COL13A1: variants seen among roughly 807,000 people sequenced by gnomAD.
COL13A1 encodes the protein collagen alpha-1(XIII) chain.
In COL13A1, 89 loss-of-function variants were observed where a neutral mutation model predicts 130.9. That is an observed-to-expected ratio of 0.68 (90% CI 0.57 to 0.81). The LOEUF (loss-of-function observed/expected upper bound fraction) is 0.81, where lower values mean the gene tolerates loss of function less well. Among genes scored for constraint, COL13A1 ranks in the 30% least tolerant of loss-of-function variants. The pLI is 0.00. For missense variants in COL13A1, 879 were observed against 934.6 expected (o/e 0.94, Z 0.78); for synonymous variants, 402 against 341.6 (o/e 1.18, Z -1.95).
At chr10:69,817,827 G>C (rs763580603) in intron 1 of COL13A1, among the ~76,000 whole-genome samples, 1 of 152,174 alleles carries the variant, frequency 6.6e-6, no homozygotes, top group Non-Finnish European at 1.5e-5. Flanking sequence ...GGGTCCCTGG[G>C]GCCGGGGTGT....
intron 14 of COL13A1, among the ~76,000 whole-genome samples, chr10:69,900,346 A>C (rs1216147533): frequency 6.6e-6 from 1 of 152,212 alleles, no homozygotes; most frequent in Non-Finnish European, 1.5e-5. Context: ...CAGCCATCTC[A>C]CTATCCCCCG....
chr10:69,888,726 C>T (rs989084773), intron 9 of COL13A1, among the ~76,000 whole-genome samples: 1 of 152,144 alleles, frequency 6.6e-6, no homozygotes, highest in Non-Finnish European at 1.5e-5. Context: ...ATGGCCCTGT[C>T]CTCGAGGTCA....
At chr10:69,948,776 A>T (rs772296155) in intron 38 of COL13A1, among the ~76,000 whole-genome samples, 11 of 152,122 alleles carry the variant, frequency 7.2e-5, no homozygotes, top group Non-Finnish European at 7.4e-5. Context: ...GACGGTGACC[A>T]TGTTGCTCTA....
chr10:69,852,091 C>T (rs754057931), intron 2 of COL13A1, among the ~76,000 whole-genome samples: 4 of 152,154 alleles, frequency 2.6e-5, no homozygotes, highest in Non-Finnish European at 5.9e-5. Context: ...CAGTGACCAT[C>T]CCTTGGACTC....
chr10:69,945,202 T>A (rs1458394229), intron 36 of COL13A1, among the ~76,000 whole-genome samples: 1 of 152,356 alleles, frequency 6.6e-6, no homozygotes, highest in Admixed American at 6.5e-5. Context: ...CCGCCCACCT[T>A]GCTGGCTCTG....
At chr10:69,865,295 G>A (rs1361259877) in intron 2 of COL13A1, among the ~76,000 whole-genome samples, 2 of 152,216 alleles carry the variant, frequency 1.3e-5, no homozygotes, top group African/African-American at 4.8e-5. Context: ...ACATGGGAGA[G>A]CAACTAGTGA....
At chr10:69,893,633 T>C (rs2061389736) in intron 10 of COL13A1, among the ~76,000 whole-genome samples, 2 of 152,240 alleles carry the variant, frequency 1.3e-5, no homozygotes, top group African/African-American at 4.8e-5. Context: ...TAGCCAAGTC[T>C]AGAAGCCCTG....
intron 30 of COL13A1, 89 bp from the exon 31 acceptor site, chr10:69,932,471 C>A: frequency 1.1e-6 from 1 of 901,274 alleles, no homozygotes; most frequent in Admixed American, 1.9e-5. Flanking sequence ...CAGTCACGTC[C>A]CAGTCTAGTT....
chr10:69,894,465 A>G (rs1329916742), intron 10 of COL13A1, 87 bp from the exon 11 acceptor site: 84 of 1,527,290 alleles, frequency 5.5e-5, no homozygotes, highest in Non-Finnish European at 7.3e-5. Context: ...AGCCTTCGGG[A>G]TTCAGCCCCA....
intron 26 of COL13A1, among the ~76,000 whole-genome samples, chr10:69,926,234 A>C (rs1473576161): frequency 1.3e-5 from 2 of 152,150 alleles, no homozygotes; most frequent in Non-Finnish European, 2.9e-5. Context: ...ACCCCCTTTC[A>C]TGCAGCAGCA....
chr10:69,954,815 G>C (rs913922301), intron 39 of COL13A1: 10 of 152,266 alleles, frequency 6.6e-5, no homozygotes, highest in African/African-American at 2.2e-4. Flanking sequence ...GGGAGAGACG[G>C]AAAGGTCAAG....
chr10:69,957,106 T>C (rs1050440541), intron 40 of COL13A1, 64 bp downstream of exon 40: 46 of 1,397,542 alleles, frequency 3.3e-5, no homozygotes, highest in East Asian at 2.3e-5. Context: ...GCTTCCACAA[T>C]TTCCATTCTG....
chr10:69,867,931 T>C, intron 3 of COL13A1, 126 bp downstream of exon 3: 1 of 666,606 alleles, frequency 1.5e-6, no homozygotes, highest in Non-Finnish European at 2.8e-6. Context: ...TGCAGGCTCC[T>C]GAGGGGTCCC....
chr10:69,940,890 T>C, intron 34 of COL13A1, 98 bp from the exon 35 acceptor site: 2 of 1,513,154 alleles, frequency 1.3e-6, no homozygotes, highest in Non-Finnish European at 1.8e-6. Context: ...CTGTCCAGAG[T>C]CACTGCTTTA....
chr10:69,858,198 G>A (rs913642928), intron 2 of COL13A1, among the ~76,000 whole-genome samples: 12 of 151,626 alleles, frequency 7.9e-5, no homozygotes, highest in African/African-American at 2.9e-4. Context: ...AACACAGTGG[G>A]CAGTATCATA....
At chr10:69,926,012 TC>T (rs1174742191) in intron 26 of COL13A1, 140 bp downstream of exon 26, 2 of 672,896 alleles carry the variant, frequency 3.0e-6, no homozygotes, top group Non-Finnish European at 5.2e-6. Flanking sequence ...GAGAGCTGCT[TC>T]CTCGCTTTCT....
Position 69,932,546 on chromosome 10 carries a change from T to A in COL13A1, c.1684-14T>A. On this transcript the variant is annotated splice_polypyrimidine_tract_variant and intron_variant, in intron 30 of 40. Transcript: ENST00000645393. ...AAGGGCTGGCATTCATGCAGTGGTG[T>A]TTTGTGCCCACAGGGAGAGAAAGGA... 6.2e-7 allele frequency: 1 copy of A among 1,606,042 alleles called. No homozygotes were observed. Among genetic ancestry groups the A allele is most frequent in the Non-Finnish European group, 8.5e-7 (1 of 1,173,226 alleles).
rs1312878538 is a variant in COL13A1 at position 69,905,840 on chromosome 10, G to A, written c.921+18G>A. 6.2e-7 allele frequency: 1 copy of A among 1,613,194 alleles called. No homozygotes were observed. On this transcript the variant is annotated intron_variant, in intron 17 of 40. Coordinates refer to ENST00000645393, the MANE Select transcript of COL13A1 (RefSeq NM_001368882.1). The stretch of plus-strand genomic sequence containing the variant: ...GCCGGAAGGTAAGATGGAGGGGGAG[G>A]ACCCAAGTGGGGCAGGACTTTGGAC...
At chr10:69,943,841 G>A (rs2068036546) in intron 35 of COL13A1, among the ~76,000 whole-genome samples, 1 of 152,236 alleles carries the variant, frequency 6.6e-6, no homozygotes. Flanking sequence ...GCAAAACTAA[G>A]CAACCATTCT....
Sources: allele counts gnomAD v4.1 joint callset (sites outside exome capture counted in the v4.1 genomes callset), GRCh38; gene constraint gnomAD v4.1.1; transcripts MANE v1.5; gene names NCBI Gene and HGNC (gene_info 2026-07-23, HGNC 2026-07-21).